Variants in NXPE2 observed in about 807,000 individuals in gnomAD.
NXPE2 encodes the protein NXPE family member 2.
NXPE2 carries 34 observed loss-of-function variants against 34.4 expected under a neutral mutation model. That is an observed-to-expected ratio of 0.99 (90% CI 0.75 to 1.31). The LOEUF is 1.31. Ranked by LOEUF, NXPE2 falls within the 40% of genes most tolerant of loss-of-function variation. The pLI is 0.00. For synonymous variants in NXPE2, 235 were observed against 231.3 expected, an observed-to-expected ratio of 1.02 and a Z score of -0.15; for missense variants, 649 against 672.5, an observed-to-expected ratio of 0.97 and a Z score of 0.39.
the NXPE2 span, among the ~76,000 whole-genome samples, chr11:114,569,952 A>G: frequency 5.1e-4 from 77 of 152,298 alleles, no homozygotes; most frequent in Non-Finnish European, 9.3e-4. Context: ...TTATAGGCCC[A>G]GAGAGTGCCT....
the NXPE2 span, among the ~76,000 whole-genome samples, chr11:114,531,821 C>G: frequency 6.6e-6 from 1 of 152,158 alleles, no homozygotes; most frequent in South Asian, 2.1e-4. Context: ...ACTACAACCT[C>G]AGAGGTCACT....
the NXPE2 span, among the ~76,000 whole-genome samples, chr11:114,639,251 G>C: frequency 0.18 from 27,447 of 151,942 alleles, 2,866 homozygotes; most frequent in African/African-American, 0.28. Context: ...GAGACTCTGT[G>C]GGCATAGGAC....
At chr11:114,470,269 A>G in the NXPE2 span, among the ~76,000 whole-genome samples, 1 of 152,160 alleles carries the variant, frequency 6.6e-6, no homozygotes, top group African/African-American at 2.4e-5. Flanking sequence ...GGAAACTGCT[A>G]AACTGTTTAC....
chr11:114,503,942 G>A, the NXPE2 span, among the ~76,000 whole-genome samples: 1 of 152,324 alleles, frequency 6.6e-6, no homozygotes, highest in African/African-American at 2.4e-5. Flanking sequence ...GGCCTTGCCT[G>A]CTTACAGGGC....
chr11:114,507,922 C>A, the NXPE2 span, among the ~76,000 whole-genome samples: 3 of 151,986 alleles, frequency 2.0e-5, no homozygotes, highest in Non-Finnish European at 4.4e-5. Context: ...TAAATAAAGG[C>A]ATCCAAATAG....
At chr11:114,603,712 C>T in the NXPE2 span, among the ~76,000 whole-genome samples, 6 of 151,656 alleles carry the variant, frequency 4.0e-5, no homozygotes, top group South Asian at 2.1e-4. Flanking sequence ...AGTATTGCCT[C>T]GTCTCCTAGT....
At chr11:114,633,234 G>T in the NXPE2 span, among the ~76,000 whole-genome samples, 2 of 130,444 alleles carry the variant, frequency 1.5e-5, no homozygotes, top group Admixed American at 8.4e-5. Context: ...ATAAATATAT[G>T]TAACATATAA....
the NXPE2 span, among the ~76,000 whole-genome samples, chr11:114,532,837 A>G: frequency 1.3e-5 from 2 of 152,186 alleles, no homozygotes; most frequent in Admixed American, 6.5e-5. Flanking sequence ...AAATGGTTCT[A>G]GAGTGAAAAA....
chr11:114,693,508 C>G (rs1167078666), intron 2 of NXPE2, among the ~76,000 whole-genome samples: 1 of 152,188 alleles, frequency 6.6e-6, no homozygotes, highest in African/African-American at 2.4e-5. Context: ...GGATTTCACA[C>G]ACATAAAACA....
chr11:114,594,702 A>T, the NXPE2 span: 1 of 1,604,142 alleles, frequency 6.2e-7, no homozygotes, highest in African/African-American at 1.3e-5. Flanking sequence ...ATGATCCAGG[A>T]GGCTAATATA....
At chr11:114,518,264 A>G in the NXPE2 span, 1 of 152,204 alleles carries the variant, frequency 6.6e-6, no homozygotes, top group Non-Finnish European at 1.5e-5. Context: ...GCTGAGAGGT[A>G]CAGAAAACTT....
At chr11:114,506,364 G>A in the NXPE2 span, among the ~76,000 whole-genome samples, 1 of 152,088 alleles carries the variant, frequency 6.6e-6, no homozygotes, top group Middle Eastern at 3.2e-3. Flanking sequence ...ACTGAACTCA[G>A]CACTGGATCA....
At chr11:114,705,714 G>A (rs1051867743) in intron 4 of NXPE2, 67 bp from the exon 5 acceptor site, 1 of 1,023,110 alleles carries the variant, frequency 9.8e-7, no homozygotes, top group African/African-American at 1.7e-5. Context: ...AGGCAAAAAT[G>A]AGAAACATTT....
chr11:114,702,374 G>A (rs527396872), intron 3 of NXPE2, among the ~76,000 whole-genome samples: 3 of 152,210 alleles, frequency 2.0e-5, no homozygotes, highest in East Asian at 1.9e-4. Context: ...CAAGGTAGCC[G>A]GGTCTCAATC....
chr11:114,523,002 ATGT>A, the NXPE2 span: 2 of 1,613,862 alleles, frequency 1.2e-6, no homozygotes, highest in Non-Finnish European at 1.7e-6. Context: ...TGGTTGCAAA[ATGT>A]TGTTATCCAT....
the NXPE2 span, among the ~76,000 whole-genome samples, chr11:114,733,894 A>G: frequency 2.0e-5 from 3 of 152,116 alleles, no homozygotes; most frequent in Non-Finnish European, 4.4e-5. Flanking sequence ...ACCCAGTCCC[A>G]TGTGTATATT....
At chr11:114,799,894 T>C in the NXPE2 span, among the ~76,000 whole-genome samples, 5 of 151,818 alleles carry the variant, frequency 3.3e-5, no homozygotes, top group Non-Finnish European at 5.9e-5. Context: ...CCTTTTCTCT[T>C]TCTCTTTATC....
chr11:114,563,270 C>G, the NXPE2 span, among the ~76,000 whole-genome samples: 1 of 152,156 alleles, frequency 6.6e-6, no homozygotes, highest in East Asian at 1.9e-4. Context: ...TTTTCTGTCA[C>G]TAATCCCTCA....
At chr11:114,533,665 C>T in the NXPE2 span, among the ~76,000 whole-genome samples, 434 of 152,334 alleles carry the variant, frequency 2.8e-3, 3 homozygotes, top group African/African-American at 9.3e-3. Context: ...GAGGGTCCTA[C>T]GCCCACGGAG....
Sources: allele counts gnomAD v4.1 joint callset (sites outside exome capture counted in the v4.1 genomes callset), GRCh38; gene constraint gnomAD v4.1.1; transcripts MANE v1.5; gene names NCBI Gene and HGNC (gene_info 2026-07-23, HGNC 2026-07-21).